Variants in FIP1L1 observed in about 807,000 individuals in gnomAD.
The protein encoded by FIP1L1 is pre-mRNA 3'-end-processing factor FIP1.
FIP1L1 carries 21 observed loss-of-function variants against 84.6 expected under a neutral mutation model. The ratio of observed to expected loss-of-function variants is 0.25; its 90% CI spans 0.18 to 0.36. FIP1L1 has a LOEUF of 0.36. Ranked by LOEUF, FIP1L1 falls within the 10% of genes least tolerant of loss-of-function variation. FIP1L1 has a pLI of 1.00. For missense variants in FIP1L1, 526 were observed against 751.1 expected (o/e 0.70, Z 3.50); for synonymous variants, 263 against 242.3 (o/e 1.09, Z -0.80).
chr4:53,407,286 G>A (rs1033318333), intron 10 of FIP1L1, among the ~76,000 whole-genome samples: 3 of 152,186 alleles, frequency 2.0e-5, no homozygotes, highest in Non-Finnish European at 2.9e-5. Flanking sequence ...TCATTCAGGA[G>A]CAGGTTGTTC....
chr4:53,398,188 A>G (rs189231838), intron 9 of FIP1L1, among the ~76,000 whole-genome samples: 13 of 152,272 alleles, frequency 8.5e-5, no homozygotes, highest in Admixed American at 7.8e-4. Flanking sequence ...TGATGTTTAC[A>G]TTCTCTCACC....
In FIP1L1 at chr4:53,455,816, C is replaced by G. The variant is rs562548311; in HGVS notation, c.1499+2683C>G. ...CTTAAAACTTTACCAAAAAAAAATGCACAAGAAGGAACTGATGAGGATTTA... is the reference window on the plus strand; with the variant it reads ...CTTAAAACTTTACCAAAAAAAAATGGACAAGAAGGAACTGATGAGGATTTA... On this transcript the variant is annotated intron_variant, in intron 16 of 17. Transcript: ENST00000337488. Among the ~76,000 whole-genome samples the G allele has an allele frequency of 5.9e-5, 9 of 152,078 alleles. No individual in the cohort carries two copies. In the East Asian group the frequency reaches 1.5e-3, roughly 26 times the overall value.
intron 4 of FIP1L1, among the ~76,000 whole-genome samples, chr4:53,382,986 A>T (rs1165452634): frequency 6.6e-6 from 1 of 151,748 alleles, no homozygotes; most frequent in Non-Finnish European, 1.5e-5. Context: ...CTGAGCTTCT[A>T]CTTAACTATT....
chr4:53,379,707 T>G (rs1261402749), intron 3 of FIP1L1, among the ~76,000 whole-genome samples: 1 of 152,252 alleles, frequency 6.6e-6, no homozygotes, highest in Non-Finnish European at 1.5e-5. Context: ...ATGTATTGTT[T>G]GCATTCAAAA....
chr4:53,399,171 C>T (rs548567763), intron 9 of FIP1L1, among the ~76,000 whole-genome samples: 5 of 152,184 alleles, frequency 3.3e-5, no homozygotes, highest in African/African-American at 4.8e-5. Context: ...TGATTAACTT[C>T]AAGCTTTTAA....
intron 11 of FIP1L1, among the ~76,000 whole-genome samples, chr4:53,422,711 T>G (rs28579619): frequency 6.6e-6 from 1 of 150,722 alleles, no homozygotes; most frequent in Non-Finnish European, 1.5e-5. Context: ...TATATATATG[T>G]ATATATATAT....
chr4:53,411,675 T>C (rs1220360181), intron 10 of FIP1L1, among the ~76,000 whole-genome samples: 1 of 152,186 alleles, frequency 6.6e-6, no homozygotes, highest in African/African-American at 2.4e-5. Context: ...AATCTTAGAT[T>C]GCCTTATTAA....
intron 16 of FIP1L1, 59 bp from the exon 17 acceptor site, chr4:53,458,594 T>G (rs1720743424): frequency 1.9e-6 from 3 of 1,564,206 alleles, no homozygotes; most frequent in African/African-American, 1.4e-5. Context: ...TTTTACAGTT[T>G]GAATCCATTC....
intron 13 of FIP1L1, among the ~76,000 whole-genome samples, chr4:53,431,323 A>G (rs536458028): frequency 1.3e-5 from 2 of 152,324 alleles, no homozygotes; most frequent in East Asian, 3.9e-4. Flanking sequence ...AATCACCTTA[A>G]GAATCATAAG....
chr4:53,445,322 G>T (rs1773728394), intron 15 of FIP1L1, among the ~76,000 whole-genome samples: 1 of 152,256 alleles, frequency 6.6e-6, no homozygotes, highest in Non-Finnish European at 1.5e-5. Context: ...TCTTGGATTG[G>T]AACAGCAATA....
chr4:53,396,125 G>A (rs1747181370), intron 9 of FIP1L1, among the ~76,000 whole-genome samples: 1 of 151,956 alleles, frequency 6.6e-6, no homozygotes, highest in Non-Finnish European at 1.5e-5. Flanking sequence ...TGCCATGTTG[G>A]CCAGGCTGGT....
chr4:53,423,246 C>T (rs1215142456), intron 11 of FIP1L1, among the ~76,000 whole-genome samples: 1 of 152,120 alleles, frequency 6.6e-6, no homozygotes, highest in Non-Finnish European at 1.5e-5. Flanking sequence ...TGTACATTAA[C>T]TCAGACACCC....
intron 9 of FIP1L1, among the ~76,000 whole-genome samples, chr4:53,396,493 C>A (rs1017853622): frequency 9.2e-5 from 14 of 152,036 alleles, no homozygotes; most frequent in African/African-American, 3.4e-4. Context: ...GAAACCTCCA[C>A]CTCCCGGGTT....
intron 16 of FIP1L1, 114 bp downstream of exon 16, chr4:53,453,247 C>T: frequency 8.6e-7 from 1 of 1,157,022 alleles, no homozygotes; most frequent in Non-Finnish European, 1.2e-6. Context: ...TCAGGGAGTA[C>T]ATAGGAAAGC....
At chr4:53,378,058 C>G in intron 1 of FIP1L1, 135 bp downstream of exon 1, 1 of 766,602 alleles carries the variant, frequency 1.3e-6, no homozygotes, top group South Asian at 2.7e-5. Flanking sequence ...CTGACTTAGG[C>G]CGAGCGCGGC....
intron 5 of FIP1L1, among the ~76,000 whole-genome samples, chr4:53,388,411 T>C (rs1040789097): frequency 6.6e-6 from 1 of 152,058 alleles, no homozygotes; most frequent in Non-Finnish European, 1.5e-5. Context: ...GCGATCTCAC[T>C]GCAAGCTCCG....
In FIP1L1 at chr4:53,459,732, T is replaced by C; in HGVS notation, c.*283T>C. Reference sequence around the variant, plus strand: ...AATCTAAAGAGCTGTGTTAGCTGTGTACATACACAGATTATCTGAGAAAAG... The same window carrying C: ...AATCTAAAGAGCTGTGTTAGCTGTGCACATACACAGATTATCTGAGAAAAG... On this transcript the variant is annotated 3_prime_UTR_variant, in exon 18 of 18. Coordinates refer to ENST00000337488, the MANE Select transcript of FIP1L1 (RefSeq NM_030917.4). The C allele has an allele frequency of 2.5e-6, 1 of 396,450 alleles. No individual in the cohort carries two copies. Among genetic ancestry groups the C allele is most frequent in the Non-Finnish European group, 4.6e-6 (1 of 218,576 alleles). The allele number at this position is 396,450 out of a possible 1,614,324, so 24.6% of individuals were successfully genotyped here.
At chr4:53,443,248 G>A (rs1334236042) in intron 14 of FIP1L1, among the ~76,000 whole-genome samples, 2 of 152,130 alleles carry the variant, frequency 1.3e-5, no homozygotes, top group African/African-American at 4.8e-5. Flanking sequence ...ATGGGTGGCA[G>A]TATGGTGTTT....
Position 53,460,654 on chromosome 4 carries a change from T to TTGAA in FIP1L1, c.*1207_*1210dup, listed in dbSNP as rs2150538064. The stretch of plus-strand genomic sequence containing the variant: ...ATTTTAGTTGTTTTAGGGCTTTTTA[T>TTGAA]TGAATAGAAAAAATATAAACAATGT... On this transcript the variant is annotated 3_prime_UTR_variant, in exon 18 of 18. Transcript: ENST00000337488. 1 of 373,568 alleles carries TTGAA rather than the reference T, an allele frequency of 2.7e-6. No individual in the cohort carries two copies. Among genetic ancestry groups the TTGAA allele is most frequent in the Non-Finnish European group, 4.7e-6 (1 of 212,066 alleles). 23.1% of individuals were successfully genotyped at this position (373,568 alleles called of 1,614,324 possible). A position where few individuals can be genotyped will look rare whatever the true frequency, so the allele number is the denominator to read the frequency against.
Sources: gnomAD v4.1 joint callset for allele counts (sites outside exome capture counted in the v4.1 genomes callset) on GRCh38, gnomAD v4.1.1 for gene constraint, MANE v1.5 for transcripts, NCBI Gene and HGNC (gene_info 2026-07-23, HGNC 2026-07-21) for gene names.